EPHA3: variants seen among roughly 807,000 people sequenced by gnomAD.
EPHA3 encodes ephrin type-A receptor 3.
EPHA3 carries 42 observed loss-of-function variants against 107.1 expected under a neutral mutation model. The ratio of observed to expected loss-of-function variants is 0.39; its 90% CI spans 0.31 to 0.51. The LOEUF is 0.51. Ranked by LOEUF, EPHA3 falls within the 20% of genes least tolerant of loss-of-function variation. The pLI, the probability that EPHA3 is intolerant of heterozygous loss-of-function variation, is 0.78. For missense variants in EPHA3, 1,183 were observed against 1,211.2 expected (o/e 0.98, Z 0.35); for synonymous variants, 461 against 424.8 (o/e 1.09, Z -1.05).
intron 3 of EPHA3, among the ~76,000 whole-genome samples, chr3:89,337,569 T>C (rs1258877533): frequency 6.6e-6 from 1 of 152,262 alleles, no homozygotes; most frequent in Admixed American, 6.5e-5. Flanking sequence ...TGACATTAAA[T>C]GACTATCTAT....
chr3:89,115,133 G>A (rs1707221688), intron 1 of EPHA3, among the ~76,000 whole-genome samples: 1 of 152,122 alleles, frequency 6.6e-6, no homozygotes, highest in African/African-American at 2.4e-5. Context: ...CACAGGAGTT[G>A]CCTCATACGC....
intron 2 of EPHA3, among the ~76,000 whole-genome samples, chr3:89,128,409 TCAAATGATTAAGATAAAAG>T (rs1704137395): frequency 6.6e-6 from 1 of 152,074 alleles, no homozygotes; most frequent in Non-Finnish European, 1.5e-5. Flanking sequence ...GTAAAAGGAA[TCAAATGATTAAGATAAAAG>T]CACAGCCTAG....
chr3:89,399,480 T>C lies in EPHA3; in HGVS notation c.1594T>C (p.Ser532Pro). 12 of 1,613,952 alleles carry C rather than the reference T, an allele frequency of 7.4e-6. No individual in the cohort carries two copies. The highest frequency in any genetic ancestry group is 1.0e-5 in the Non-Finnish European group (12 of 1,179,900). Residue 532 changes from serine (S) to proline (P), a missense_variant and splice_region_variant, in exon 7 of 17, where the codon TCT becomes CCT. By Grantham distance (74) the Ser-to-Pro change is moderately conservative. Transcript: ENST00000336596. ...RKFEFETSPD[S>P]FSISGESSQV... ...GTTTGAGTTTGAAACTAGTCCAGAC[T>C]GTATGTATTATTTCAATGCAGTCTA...
intron 2 of EPHA3, among the ~76,000 whole-genome samples, chr3:89,202,148 A>G (rs1705982460): frequency 6.6e-6 from 1 of 151,948 alleles, no homozygotes; most frequent in South Asian, 2.1e-4. Context: ...ACATATTGTC[A>G]TCTACTGTAT....
In EPHA3 at chr3:89,479,496, C is replaced by T. The variant is rs147581559; in HGVS notation, c.2946C>T (p.Pro982=). ...CGCAATCAAAGAATGGCCCAGTTCC[C>T]GTGTAAAGCACGGGACGGAAGTGCT... The part of the protein sequence containing the change: ...LETQSKNGPV[P]V Residue 982 remains proline, a synonymous_variant, in exon 17 of 17, where the codon CCC becomes CCT. Coordinates refer to ENST00000336596, the MANE Select transcript of EPHA3 (RefSeq NM_005233.6). 2.1e-3 allele frequency: 3,418 copies of T among 1,613,408 alleles called. 6 individuals are homozygous for T. Among genetic ancestry groups the T allele is most frequent in the Non-Finnish European group, 2.0e-3 (2,385 of 1,179,544 alleles).
rs145237596 is a variant in EPHA3 at position 89,419,625 on chromosome 3, A to G, written c.2074+235A>G. ...ATTTTAAAAAAATACTAGAAGCCAC[A>G]TATTAGACCATTTAAAGGTACGCTG... On this transcript the variant is annotated intron_variant, in intron 11 of 16. Transcript: ENST00000336596. Among the ~76,000 whole-genome samples the G allele has an allele frequency of 4.2e-4, 63 of 151,562 alleles. No individual in the cohort carries two copies. In the East Asian group the frequency reaches 0.01, roughly 24 times the overall value.
chr3:89,395,340 T>C (rs1351182005), intron 5 of EPHA3, among the ~76,000 whole-genome samples: 1 of 152,214 alleles, frequency 6.6e-6, no homozygotes, highest in Non-Finnish European at 1.5e-5. Flanking sequence ...TACAATATAC[T>C]AAATATTATT....
In EPHA3 at chr3:89,173,460, G is replaced by A. The variant is rs182200824; in HGVS notation, c.154-36400G>A. On this transcript the variant is annotated intron_variant, in intron 2 of 16. Coordinates refer to ENST00000336596, the MANE Select transcript of EPHA3 (RefSeq NM_005233.6). ...TGAGTAAACTCAGTTTCATTTTATC[G>A]TTTTAGATACTGTTATTTTTCCAAC... Among the ~76,000 whole-genome samples the A allele has an allele frequency of 3.6e-3, 552 of 151,844 alleles. 3 individuals carry two copies. The highest frequency in any genetic ancestry group is 5.0e-3 in the African/African-American group (207 of 41,476).
chr3:89,433,751 A>T (rs1709614977), intron 13 of EPHA3, among the ~76,000 whole-genome samples: 1 of 152,204 alleles, frequency 6.6e-6, no homozygotes, highest in Non-Finnish European at 1.5e-5. Flanking sequence ...GTTGAATTAA[A>T]TTTACAAGTG....
chr3:89,214,459 CA>C (rs1229202025), intron 3 of EPHA3, among the ~76,000 whole-genome samples: 1 of 151,936 alleles, frequency 6.6e-6, no homozygotes, highest in Non-Finnish European at 1.5e-5. Flanking sequence ...ACCCATTCAA[CA>C]GCTTACCTTA....
At chr3:89,172,946 T>C (rs549359123) in intron 2 of EPHA3, among the ~76,000 whole-genome samples, 1 of 152,266 alleles carries the variant, frequency 6.6e-6, no homozygotes, top group African/African-American at 2.4e-5. Flanking sequence ...GGTTCAGCTT[T>C]TTGAGTAATT....
intron 1 of EPHA3, among the ~76,000 whole-genome samples, chr3:89,110,005 G>A (rs1244205859): frequency 6.6e-6 from 1 of 151,916 alleles, no homozygotes; most frequent in Non-Finnish European, 1.5e-5. Flanking sequence ...AACATGAAAA[G>A]TGAAAATGCC....
chr3:89,258,640 C>G (rs1195294242), intron 3 of EPHA3, among the ~76,000 whole-genome samples: 1 of 152,114 alleles, frequency 6.6e-6, no homozygotes, highest in Non-Finnish European at 1.5e-5. Flanking sequence ...TCATTTTATT[C>G]TTTTAACATT....
chr3:89,371,809 T>C (rs1382515625), intron 5 of EPHA3, among the ~76,000 whole-genome samples: 1 of 151,554 alleles, frequency 6.6e-6, no homozygotes, highest in Non-Finnish European at 1.5e-5. Context: ...GGATAATTTA[T>C]TATATGGAAA....
chr3:89,427,621 G>A (rs190470565), intron 11 of EPHA3, among the ~76,000 whole-genome samples: 1 of 152,034 alleles, frequency 6.6e-6, no homozygotes, highest in East Asian at 1.9e-4. Flanking sequence ...TAAAGTAAGG[G>A]AATTACAGTG....
At chr3:89,124,340 C>G (rs1454113181) in intron 1 of EPHA3, among the ~76,000 whole-genome samples, 1 of 152,148 alleles carries the variant, frequency 6.6e-6, no homozygotes, top group Non-Finnish European at 1.5e-5. Flanking sequence ...ATTGTCTTTT[C>G]TTACCTCAAT....
chr3:89,198,373 A>G (rs750323933), intron 2 of EPHA3, among the ~76,000 whole-genome samples: 1 of 152,122 alleles, frequency 6.6e-6, no homozygotes, highest in Non-Finnish European at 1.5e-5. Flanking sequence ...CCCATTTTAC[A>G]GATGTGTAAA....
Position 89,479,760 on chromosome 3 carries a change from C to A in EPHA3, c.*258C>A. On this transcript the variant is annotated 3_prime_UTR_variant, in exon 17 of 17. Coordinates refer to ENST00000336596, the MANE Select transcript of EPHA3 (RefSeq NM_005233.6). ...TAATGGATTAAATTTAATTCTTCAG[C>A]GTAAAATGGTGAAGAACTAGCATAT... 2.6e-6 allele frequency: 1 copy of A among 391,802 alleles called. No individual in the cohort carries two copies. The allele number at this position is 391,802 out of a possible 1,614,324, so 24.3% of individuals were successfully genotyped here. A position where few individuals can be genotyped will look rare whatever the true frequency, so the allele number is the denominator to read the frequency against.
At chr3:89,278,335 T>C (rs984951134) in intron 3 of EPHA3, among the ~76,000 whole-genome samples, 9 of 152,184 alleles carry the variant, frequency 5.9e-5, no homozygotes, top group Non-Finnish European at 1.0e-4. Flanking sequence ...TGTAGGTGGC[T>C]GAAGCCAGAG....
Sources: gnomAD v4.1 joint callset for allele counts (sites outside exome capture counted in the v4.1 genomes callset) on GRCh38, gnomAD v4.1.1 for gene constraint, MANE v1.5 for transcripts, NCBI Gene and HGNC (gene_info 2026-07-23, HGNC 2026-07-21) for gene names.